DNAH9: variants seen among roughly 807,000 people sequenced by gnomAD.
The protein encoded by DNAH9 is DNAH9 variant protein.
DNAH9 carries 345 observed loss-of-function variants against 471.6 expected under a neutral mutation model. That is an observed-to-expected ratio of 0.73 (90% CI 0.67 to 0.80). DNAH9 has a LOEUF of 0.80. DNAH9 is among the 30% of genes least tolerant of loss of function. The probability of loss-of-function intolerance (pLI) is 0.00; values close to 1 mark genes in which losing one functional copy is unlikely to be tolerated. For missense variants in DNAH9, 5,407 were observed against 5,609.2 expected, an observed-to-expected ratio of 0.96 and a Z score of 1.15; for synonymous variants, 2,093 against 2,123.6, an observed-to-expected ratio of 0.99 and a Z score of 0.40.
chr17:11,698,182 T>TATTAATAATATATTAATTATA (rs369729599), intron 22 of DNAH9, among the ~76,000 whole-genome samples: 90,269 of 120,178 alleles, frequency 0.75, 34,298 homozygotes, highest in East Asian at 0.85. Context: ...TAATATATTA[T>TATTAATAATATATTAATTATA]TATATTAATA....
At chr17:11,676,153 T>A (rs1597465147) in intron 17 of DNAH9, among the ~76,000 whole-genome samples, 1 of 152,236 alleles carries the variant, frequency 6.6e-6, no homozygotes, top group African/African-American at 2.4e-5. Flanking sequence ...TAGTAAGTCA[T>A]ATTTTCTAGG....
chr17:11,806,299 G>T (rs1969679727), intron 43 of DNAH9, among the ~76,000 whole-genome samples: 1 of 152,058 alleles, frequency 6.6e-6, no homozygotes, highest in Non-Finnish European at 1.5e-5. Flanking sequence ...TTACTGTTTG[G>T]CTCAACAGTT....
At chr17:11,864,907 T>A (rs901397920) in intron 50 of DNAH9, among the ~76,000 whole-genome samples, 1 of 152,178 alleles carries the variant, frequency 6.6e-6, no homozygotes, top group African/African-American at 2.4e-5. Context: ...ATTTTGAGCC[T>A]ATGTGTGTCT....
intron 56 of DNAH9, among the ~76,000 whole-genome samples, chr17:11,885,472 C>A (rs1972853131): frequency 6.6e-6 from 1 of 152,228 alleles, no homozygotes; most frequent in South Asian, 2.1e-4. Flanking sequence ...TATTTTCCAT[C>A]TCTGTTTCTT....
Position 11,744,850 on chromosome 17 carries a change from A to T in DNAH9, c.6165A>T (p.Gly2055=). 1 of 1,614,144 alleles carries T rather than the reference A, an allele frequency of 6.2e-7. No individual in the cohort carries two copies. The highest frequency in any genetic ancestry group is 1.7e-5 in the Admixed American group (1 of 60,024). The change falls in exon 31 of 69, where the codon GGA becomes GGT. Residue 2055 remains glycine, a synonymous_variant. Transcript: ENST00000262442. ...TCAAGTCCGTGCTGGTGGTGGCAGG[A>T]TCCCTGAAGAGAGGAGACCCTGACC... ...RAIKSVLVVA[G]SLKRGDPDRP...
intron 50 of DNAH9, among the ~76,000 whole-genome samples, chr17:11,865,514 C>T (rs1339034512): frequency 2.6e-5 from 4 of 152,084 alleles, no homozygotes; most frequent in East Asian, 3.9e-4. Flanking sequence ...CTGCTCTTCT[C>T]GAGGCGTATC....
At position 11,689,807 on chromosome 17, in the gene DNAH9, G is replaced by A. The variant is rs183775060; in HGVS notation, c.3985G>A (p.Val1329Met). ...WETTPWRNIN[V>M]EAMELECKQF... is the part of the protein sequence containing the mutation. The stretch of plus-strand genomic sequence containing the variant: ...GACCACACCCTGGAGGAATATCAAC[G>A]TGGAAGCCATGGAGTTGGAGTGCAA... The change falls in exon 20 of 69, where the codon GTG becomes ATG. Residue 1329 changes from valine (V) to methionine (M), a missense_variant. Val to Met is a conservative substitution (Grantham distance 21). Coordinates refer to ENST00000262442, the MANE Select transcript of DNAH9 (RefSeq NM_001372.4). 43 of 1,614,106 alleles carry A rather than the reference G, an allele frequency of 2.7e-5. No homozygotes were observed. In the East Asian group the frequency reaches 4.7e-4, roughly 18 times the overall value.
intron 17 of DNAH9, among the ~76,000 whole-genome samples, chr17:11,675,828 T>C (rs1196794637): frequency 2.0e-5 from 3 of 152,230 alleles, no homozygotes. Flanking sequence ...TTATTGTGTT[T>C]GCAAATATTT....
At chr17:11,796,624 C>T (rs988148910) in intron 42 of DNAH9, among the ~76,000 whole-genome samples, 2 of 152,122 alleles carry the variant, frequency 1.3e-5, no homozygotes, top group Non-Finnish European at 2.9e-5. Flanking sequence ...CACTGGTTAC[C>T]TCTTTCCCAG....
chr17:11,803,379 G>C (rs1016214456), intron 43 of DNAH9, among the ~76,000 whole-genome samples: 1 of 150,444 alleles, frequency 6.6e-6, no homozygotes, highest in Non-Finnish European at 1.5e-5. Flanking sequence ...ATTCTCTAGG[G>C]GTGTGTGTGT....
rs773854763 is a variant in DNAH9, at chr17:11,744,818, C to T, written c.6133C>T (p.Arg2045Trp). ...ACAGGATCACTACGACTGGGGCCTACGGGCCATCAAGTCCGTGCTGGTGGT... is the reference window on the plus strand; with the variant it reads ...ACAGGATCACTACGACTGGGGCCTATGGGCCATCAAGTCCGTGCTGGTGGT... The part of the protein sequence containing the change: ...SKQDHYDWGL[R>W]AIKSVLVVAG... The change falls in exon 31 of 69, where the codon CGG becomes TGG. Residue 2045 changes from arginine to tryptophan, a missense_variant. Transcript: ENST00000262442. The T allele has an allele frequency of 1.1e-5, 18 of 1,613,344 alleles. No individual in the cohort carries two copies. The highest frequency in any genetic ancestry group is 4.5e-5 in the East Asian group (2 of 44,856).
At chr17:11,724,501 A>G (rs2075118603) in intron 27 of DNAH9, among the ~76,000 whole-genome samples, 1 of 152,196 alleles carries the variant, frequency 6.6e-6, no homozygotes, top group Non-Finnish European at 1.5e-5. Context: ...GCTGCAAATG[A>G]CAGGATTTCA....
At chr17:11,685,795 A>G (rs910637940) in intron 19 of DNAH9, among the ~76,000 whole-genome samples, 1 of 147,938 alleles carries the variant, frequency 6.8e-6, no homozygotes, top group African/African-American at 2.5e-5. Flanking sequence ...AGGGTTGGAT[A>G]CATTAATTTT....
intron 20 of DNAH9, among the ~76,000 whole-genome samples, chr17:11,693,508 G>A (rs531560196): frequency 6.1e-5 from 9 of 148,292 alleles, no homozygotes; most frequent in Middle Eastern, 3.9e-3. Flanking sequence ...ATCCGCCCGC[G>A]TCAGCCTCCG....
At chr17:11,813,284 A>G (rs1321479505) in intron 45 of DNAH9, among the ~76,000 whole-genome samples, 2 of 152,146 alleles carry the variant, frequency 1.3e-5, no homozygotes, top group Non-Finnish European at 2.9e-5. Flanking sequence ...AAGTGGAGAT[A>G]CAGTTAAGAT....
chr17:11,887,765 C>G (rs1421614493), intron 57 of DNAH9, among the ~76,000 whole-genome samples: 1 of 147,182 alleles, frequency 6.8e-6, no homozygotes, highest in African/African-American at 2.5e-5. Context: ...CACACACACA[C>G]AGAGTGCACA....
chr17:11,670,806 C>A (rs1238867929), intron 17 of DNAH9, among the ~76,000 whole-genome samples: 1 of 151,800 alleles, frequency 6.6e-6, no homozygotes, highest in Non-Finnish European at 1.5e-5. Context: ...TGGGTTCAAG[C>A]GATTCTCCTA....
intron 1 of DNAH9, among the ~76,000 whole-genome samples, chr17:11,599,841 C>A (rs1468432149): frequency 6.6e-6 from 1 of 152,144 alleles, no homozygotes; most frequent in Middle Eastern, 3.2e-3. Context: ...TAGGGAATAC[C>A]AAAGAACTAT....
intron 61 of DNAH9, among the ~76,000 whole-genome samples, chr17:11,914,271 G>A (rs907668196): frequency 5.9e-5 from 9 of 152,082 alleles, no homozygotes; most frequent in Non-Finnish European, 1.2e-4. Context: ...AGAAGTAAAT[G>A]CTTCACTTAT....
Sources: allele counts gnomAD v4.1 joint callset (sites outside exome capture counted in the v4.1 genomes callset), GRCh38; gene constraint gnomAD v4.1.1; transcripts MANE v1.5; gene names NCBI Gene and HGNC (gene_info 2026-07-23, HGNC 2026-07-21).